SEC16A: variants seen among roughly 807,000 people sequenced by gnomAD.
SEC16A encodes the protein SEC16 homolog A, endoplasmic reticulum export factor.
In SEC16A, 110 loss-of-function variants were observed where a neutral mutation model predicts 221.9. The ratio of observed to expected loss-of-function variants is 0.50; its 90% CI spans 0.42 to 0.58. The LOEUF (loss-of-function observed/expected upper bound fraction) is 0.58. SEC16A is among the 20% of genes least tolerant of loss of function. SEC16A has a pLI of 0.00. For synonymous variants in SEC16A, 1,393 were observed against 1,257.7 expected (o/e 1.11, Z -2.28); for missense variants, 3,165 against 3,097.8 (o/e 1.02, Z -0.52).
intron 23 of SEC16A, chr9:136,448,692 C>T (rs1837373192): frequency 1.0e-5 from 7 of 691,160 alleles, no homozygotes; most frequent in East Asian, 5.5e-5. Flanking sequence ...GATCCAGAGA[C>T]ACCAGGAGAA....
intron 22 of SEC16A, among the ~76,000 whole-genome samples, chr9:136,452,740 T>C (rs1358853386): frequency 8.2e-6 from 1 of 122,388 alleles, no homozygotes; most frequent in African/African-American, 3.3e-5. Context: ...CATTCCAGCC[T>C]AGGCGACAGA....
chr9:136,476,583 T>A lies in SEC16A; in HGVS notation c.1033A>T (p.Asn345Tyr), dbSNP rs201983923. 1.2e-5 allele frequency: 19 copies of A among 1,605,798 alleles called. No homozygotes were observed. Among genetic ancestry groups the A allele is most frequent in the Non-Finnish European group, 1.6e-5 (19 of 1,174,444 alleles). ...GCCCCCAGTGGGTGGTGCGTACGGT[T>A]TTCTGGGCTATCTCCCCGGGCGAGG... ...NPLARGDSPE[N>Y]RTHHPLGAGA... Residue 345 changes from asparagine to tyrosine, a missense_variant, in exon 3 of 32, where the codon AAC becomes TAC. Physicochemically the swap from Asn to Tyr is moderately radical, Grantham distance 143. This residue lies in a region of SEC16A where 2,030 missense variants were observed against 1,923.1 expected (regional missense o/e 1.06). Transcript: ENST00000684901.
In SEC16A at chr9:136,441,790, TC is replaced by T; in HGVS notation, c.7038del (p.Arg2347GlyfsTer10). On this transcript the variant is annotated frameshift_variant, in exon 32 of 32. Coordinates refer to ENST00000684901, the MANE Select transcript of SEC16A (RefSeq NM_014866.2). LOFTEE classifies it high-confidence loss of function. ...ACCAGGTGCTTCCTCTGGCCAATCC[TC>T]CCTAGCCTTGAGCTCCCGGAGGTGG... is the stretch of plus-strand genomic sequence containing the variant. ...ACATSGSSRL[G>X]RIGQRKHLVL... 6.2e-7 allele frequency: 1 copy of T among 1,613,290 alleles called. No homozygotes were observed. The highest frequency in any genetic ancestry group is 1.1e-5 in the South Asian group (1 of 91,076).
chr9:136,482,536 G>A (rs1842522168), intron 1 of SEC16A, among the ~76,000 whole-genome samples: 1 of 152,226 alleles, frequency 6.6e-6, no homozygotes, highest in Non-Finnish European at 1.5e-5. Flanking sequence ...TCTGCTCTTT[G>A]GTTCAAATGT....
intron 5 of SEC16A, among the ~76,000 whole-genome samples, chr9:136,467,686 G>A (rs1840328382): frequency 6.6e-6 from 1 of 152,214 alleles, no homozygotes; most frequent in Non-Finnish European, 1.5e-5. Context: ...TTTTTAGCAA[G>A]TATTAAGAAA....
chr9:136,459,081 G>A lies in SEC16A; in HGVS notation c.5409+53C>T. 1.5e-6 allele frequency: 2 copies of A among 1,345,170 alleles called. No individual in the cohort carries two copies. The highest frequency in any genetic ancestry group is 2.1e-6 in the Non-Finnish European group (2 of 962,006). 83.3% of individuals were successfully genotyped at this position (1,345,170 alleles called of 1,614,324 possible). ...AATCTAAGTAGCCAAAAGCTTGTTA[G>A]CACTGAGTGCCTGCCCAGCCATGAC... On this transcript the variant is annotated intron_variant, in intron 17 of 31. Coordinates refer to ENST00000684901, the MANE Select transcript of SEC16A (RefSeq NM_014866.2). The surrounding 1 kb of genome is among the most constrained non-coding windows in gnomAD (Gnocchi z 6.1).
rs144624292 is a variant in SEC16A at position 136,469,276 on chromosome 9, C to T, written c.3705-764G>A. ...AGAGCCCGTGTGTGTGCTCCTGGAG[C>T]GGGATTCTAATGGCCCCACCTCCCC... On this transcript the variant is annotated intron_variant, in intron 4 of 31. Transcript: ENST00000684901. Among the ~76,000 whole-genome samples the T allele has an allele frequency of 1.1e-4, 17 of 152,250 alleles. No individual in the cohort carries two copies. The East Asian group carries it at 2.7e-3, about 24-fold the overall frequency.
intron 4 of SEC16A, among the ~76,000 whole-genome samples, chr9:136,469,717 T>G (rs1209054232): frequency 6.6e-6 from 1 of 152,214 alleles, no homozygotes; most frequent in Admixed American, 6.5e-5. Flanking sequence ...ATATTTAATT[T>G]TTAAAACGTG....
rs1588935983 is a variant in SEC16A at position 136,459,874 on chromosome 9, A to G, written c.5074T>C (p.Cys1692Arg). Residue 1692 changes from cysteine (C) to arginine (R), a missense_variant and splice_region_variant, in exon 15 of 32, where the codon TGC (cysteine) becomes CGC (arginine). Transcript: ENST00000684901. This position sits in a 1 kb window ranked among gnomAD's most constrained non-coding sequence, Gnocchi z 6.1. Reference sequence around the variant, plus strand: ...TCTCCCCATTTCTCGTCTCCACAGCACTAACATGAGGAAAAACAAAACGAA... The same window carrying G: ...TCTCCCCATTTCTCGTCTCCACAGCGCTAACATGAGGAAAAACAAAACGAA... ...MSGRMPAAST[C>R]CGDEKWGDWR... 1 of 1,611,888 alleles carries G rather than the reference A, an allele frequency of 6.2e-7. No individual in the cohort carries two copies. The highest frequency in any genetic ancestry group is 8.5e-7 in the Non-Finnish European group (1 of 1,178,806).
intron 31 of SEC16A, among the ~76,000 whole-genome samples, 179 bp downstream of exon 31, chr9:136,443,644 C>T (rs1229452340): frequency 1.3e-5 from 2 of 152,132 alleles, no homozygotes; most frequent in East Asian, 3.8e-4. Flanking sequence ...TCAGAGATCG[C>T]ACCACTGCAC....
intron 21 of SEC16A, 133 bp from the exon 22 acceptor site, chr9:136,453,643 G>T (rs778743701): frequency 7.2e-6 from 5 of 698,240 alleles, no homozygotes; most frequent in Non-Finnish European, 1.0e-5. Flanking sequence ...AGAAACCAAG[G>T]CTGAACATCT....
chr9:136,483,821 C>G (rs1842712286), upstream of SEC16A: 1 of 984,570 alleles, frequency 1.0e-6, no homozygotes, highest in Non-Finnish European at 1.2e-6. Flanking sequence ...GCGCCGGGAG[C>G]GGCCGGAGCT....
intron 22 of SEC16A, among the ~76,000 whole-genome samples, chr9:136,452,174 C>A (rs139506789): frequency 2.0e-5 from 3 of 151,876 alleles, no homozygotes; most frequent in Admixed American, 2.0e-4. Flanking sequence ...CCGGGCTGGG[C>A]GGGGTGGCTC....
chr9:136,456,511 G>A (rs1369205850), intron 18 of SEC16A, among the ~76,000 whole-genome samples: 2 of 152,196 alleles, frequency 1.3e-5, no homozygotes, highest in African/African-American at 4.8e-5. Context: ...GGGAATTTGG[G>A]GGATGCAGAG....
In SEC16A at chr9:136,451,410, T is replaced by C. The variant is rs1837790911; in HGVS notation, c.6160-2A>G. The C allele has an allele frequency of 1.3e-6, 2 of 1,593,436 alleles. No individual in the cohort carries two copies. Among genetic ancestry groups the C allele is most frequent in the Non-Finnish European group, 1.7e-6 (2 of 1,171,624 alleles). On this transcript the variant is annotated splice_acceptor_variant, in intron 22 of 31. Coordinates refer to ENST00000684901, the MANE Select transcript of SEC16A (RefSeq NM_014866.2). LOFTEE classifies it high-confidence loss of function. ...GTCTGGCACCGTCCTCGAGGGGGTC[T>C]GTCGCAAGGAAATGCAGAACAGGCT...
At chr9:136,453,555 G>A (rs1357840756) in intron 21 of SEC16A, 45 bp from the exon 22 acceptor site, 1 of 1,511,474 alleles carries the variant, frequency 6.6e-7, no homozygotes, top group Non-Finnish European at 9.2e-7. Flanking sequence ...TCACGAGAAG[G>A]CGGGACGTGT....
rs1292051229 is a variant in SEC16A, at chr9:136,474,676, C to T, written c.2940G>A (p.Lys980=). 3 of 1,613,736 alleles carry T rather than the reference C, an allele frequency of 1.9e-6. No homozygotes were observed. The highest frequency in any genetic ancestry group is 2.2e-5 in the East Asian group (1 of 44,886). The change falls in exon 3 of 32, where the codon AAG becomes AAA. Residue 980 remains lysine (K), a synonymous_variant. Transcript: ENST00000684901. ...AHGTLVPDGN[K]ANHSSHQEDT... is the part of the protein sequence containing the mutation. Reference sequence around the variant, plus strand: ...CTTCCTGATGACTGGAATGGTTTGCCTTATTACCATCAGGCACCAGGGTGC... The same window carrying T: ...CTTCCTGATGACTGGAATGGTTTGCTTTATTACCATCAGGCACCAGGGTGC...
chr9:136,451,917 T>G (rs1158418308), intron 22 of SEC16A, among the ~76,000 whole-genome samples: 1 of 152,202 alleles, frequency 6.6e-6, no homozygotes, highest in Non-Finnish European at 1.5e-5. Context: ...CGCCTACTGA[T>G]GGGATGCCCG....
At chr9:136,461,409 C>T (rs1306395486) in intron 12 of SEC16A, 135 bp from the exon 13 acceptor site, 2 of 672,242 alleles carry the variant, frequency 3.0e-6, no homozygotes, top group African/African-American at 3.5e-5. Context: ...ACTTATTCAC[C>T]ATTTGGAGAC....
Sources: allele counts gnomAD v4.1 joint callset (sites outside exome capture counted in the v4.1 genomes callset), GRCh38; gene constraint gnomAD v4.1.1; regional missense constraint gnomAD v4.1.1; non-coding constraint Gnocchi (gnomAD v3.1); transcripts MANE v1.5; gene names NCBI Gene and HGNC (gene_info 2026-07-23, HGNC 2026-07-21).